Variants in KAZN observed in about 807,000 individuals in gnomAD.
KAZN encodes kazrin, periplakin interacting protein.
In KAZN, 40 loss-of-function variants were observed where a neutral mutation model predicts 87.4. The observed-to-expected ratio is 0.46, with a 90% CI of 0.36 to 0.60. The LOEUF (loss-of-function observed/expected upper bound fraction) is 0.60. Among genes scored for constraint, KAZN ranks in the 20% least tolerant of loss-of-function variants. The pLI is 0.00. For synonymous variants in KAZN, 466 were observed against 458.3 expected (o/e 1.02, Z -0.22); for missense variants, 898 against 1,073.9 (o/e 0.84, Z 2.29).
In KAZN at chr1:14,824,069, G is replaced by T. The variant is rs141194911; in HGVS notation, c.227-136615G>T. Among the ~76,000 whole-genome samples the T allele has an allele frequency of 1.8e-4, 27 of 146,898 alleles. No individual in the cohort carries two copies. In the East Asian group the frequency reaches 3.2e-3, roughly 17 times the overall value. Reference sequence around the variant, plus strand: ...GCGGAGGTTGCAGTGAGCCGAGATTGCACCATTGCACTCCACCCTGGGCAA... The same window carrying T: ...GCGGAGGTTGCAGTGAGCCGAGATTTCACCATTGCACTCCACCCTGGGCAA... On this transcript the variant is annotated intron_variant, in intron 1 of 14. Transcript: ENST00000376030.
At chr1:14,868,063 A>G (rs112936470) in intron 1 of KAZN, among the ~76,000 whole-genome samples, 4,229 of 151,236 alleles carry the variant, frequency 0.028, 193 homozygotes, top group African/African-American at 0.097. Flanking sequence ...TACGCACAGC[A>G]TTGCATACAC....
chr1:14,920,203 A>G (rs1300998172), intron 1 of KAZN, among the ~76,000 whole-genome samples: 1 of 151,082 alleles, frequency 6.6e-6, no homozygotes, highest in Admixed American at 6.6e-5. Context: ...AGTGATCTAA[A>G]GGATGTTCCT....
chr1:14,554,701 A>G (rs563220805), intron 2 of KAZN, among the ~76,000 whole-genome samples: 1 of 152,202 alleles, frequency 6.6e-6, no homozygotes, highest in South Asian at 2.1e-4. Flanking sequence ...ATTGGAGTCC[A>G]TGTTTTCATG....
chr1:14,008,950 A>AAC (rs1640158283), intron 1 of KAZN, among the ~76,000 whole-genome samples: 2 of 152,266 alleles, frequency 1.3e-5, no homozygotes, highest in Admixed American at 1.3e-4. Flanking sequence ...GTAGCCATTA[A>AAC]ACAGTAACTC....
chr1:14,594,265 T>C (rs985752797), upstream of KAZN, among the ~76,000 whole-genome samples: 20 of 152,220 alleles, frequency 1.3e-4, no homozygotes, highest in Non-Finnish European at 2.4e-4. Context: ...GGGAGGTGCA[T>C]ACGGCTGTGC....
At position 14,482,971 on chromosome 1, in the gene KAZN, T is replaced by C. The variant is rs139989858; in HGVS notation, c.250-116012T>C. 5.8e-3 allele frequency among the ~76,000 whole-genome samples: 888 copies of C among 152,284 alleles called. 8 individuals are homozygous for C. The highest frequency in any genetic ancestry group is 0.02 in the African/African-American group (851 of 41,550). ...TACCTTAGTTTTGTCATCTGCACAA[T>C]GGGAATAATCGTTCCTGTTTCACAG... On this transcript the variant is annotated intron_variant, in intron 2 of 16. Transcript: ENST00000636203.
chr1:13,933,487 C>T (rs1188270074), intron 1 of KAZN, among the ~76,000 whole-genome samples: 3 of 152,098 alleles, frequency 2.0e-5, no homozygotes, highest in East Asian at 1.9e-4. Context: ...AGCAAAACTC[C>T]GTCCCCCCCA....
intron 2 of KAZN, among the ~76,000 whole-genome samples, chr1:14,372,852 C>A (rs535676625): frequency 2.6e-5 from 4 of 152,074 alleles, no homozygotes; most frequent in African/African-American, 9.7e-5. Flanking sequence ...TTCTTGCCCT[C>A]GAGGAGATTG....
intron 1 of KAZN, among the ~76,000 whole-genome samples, chr1:13,926,242 G>T (rs1640272686): frequency 6.6e-6 from 1 of 152,026 alleles, no homozygotes; most frequent in South Asian, 2.1e-4. Context: ...ACCCAGAGTG[G>T]GCAGGACTAG....
At chr1:14,147,676 G>C (rs2101788558) in intron 1 of KAZN, among the ~76,000 whole-genome samples, 1 of 151,986 alleles carries the variant, frequency 6.6e-6, no homozygotes, top group East Asian at 1.9e-4. Context: ...CGCACCTGTA[G>C]TCCCAGCTAC....
intron 1 of KAZN, among the ~76,000 whole-genome samples, chr1:14,836,191 C>A (rs952703283): frequency 6.6e-6 from 1 of 152,180 alleles, no homozygotes; most frequent in Admixed American, 6.5e-5. Context: ...CTGGTGCTCG[C>A]TAAAGACTCC....
chr1:14,650,155 A>G (rs996060905), intron 1 of KAZN, among the ~76,000 whole-genome samples: 9 of 150,238 alleles, frequency 6.0e-5, no homozygotes, highest in Admixed American at 2.0e-4. Flanking sequence ...GGGTGTGGGT[A>G]TGTGGAAGGA....
At chr1:14,708,811 G>T (rs1374713223) in intron 1 of KAZN, among the ~76,000 whole-genome samples, 1 of 152,244 alleles carries the variant, frequency 6.6e-6, no homozygotes, top group African/African-American at 2.4e-5. Flanking sequence ...TGGCCCTGCA[G>T]TGTTGGGTTA....
intron 2 of KAZN, among the ~76,000 whole-genome samples, chr1:14,485,366 G>A (rs925954085): frequency 6.6e-6 from 1 of 152,098 alleles, no homozygotes; most frequent in African/African-American, 2.4e-5. Context: ...GTAGGAGGTG[G>A]GACTCAACTC....
At chr1:14,125,999 T>C (rs1189781832) in intron 1 of KAZN, among the ~76,000 whole-genome samples, 1 of 151,830 alleles carries the variant, frequency 6.6e-6, no homozygotes, top group Non-Finnish European at 1.5e-5. Flanking sequence ...AGCTCTTACC[T>C]GGCCTTAGAG....
chr1:14,539,179 A>G (rs1672668094), intron 2 of KAZN, among the ~76,000 whole-genome samples: 2 of 152,194 alleles, frequency 1.3e-5, no homozygotes, highest in Non-Finnish European at 2.9e-5. Context: ...CAACTGATAT[A>G]TGATTTCATA....
chr1:14,727,459 T>C (rs1322481841), intron 1 of KAZN, among the ~76,000 whole-genome samples: 3 of 18,082 alleles, frequency 1.7e-4, no homozygotes, highest in South Asian at 2.7e-3. Context: ...TCTTTTTTTT[T>C]TTTTTTTTTT....
At chr1:14,540,078 C>T (rs1672719720) in intron 2 of KAZN, among the ~76,000 whole-genome samples, 1 of 152,108 alleles carries the variant, frequency 6.6e-6, no homozygotes. Context: ...AATTGCTTTA[C>T]ATAATAAAGG....
At chr1:14,686,148 A>G (rs764087674) in intron 1 of KAZN, among the ~76,000 whole-genome samples, 22 of 152,120 alleles carry the variant, frequency 1.4e-4, no homozygotes, top group Non-Finnish European at 3.1e-4. Flanking sequence ...AGCTCACTGC[A>G]ACCTCCACCT....
Sources: allele counts gnomAD v4.1 joint callset (sites outside exome capture counted in the v4.1 genomes callset), GRCh38; gene constraint gnomAD v4.1.1; transcripts MANE v1.5; gene names NCBI Gene and HGNC (gene_info 2026-07-23, HGNC 2026-07-21).